GRIA1: variants seen among roughly 807,000 people sequenced by gnomAD.
GRIA1 encodes the protein glutamate ionotropic receptor AMPA type subunit 1, also known as glutamate receptor 1.
GRIA1 carries 31 observed loss-of-function variants against 99.2 expected under a neutral mutation model. That is an observed-to-expected ratio of 0.31 (90% CI 0.23 to 0.42). GRIA1 has a LOEUF of 0.42. Ranked by LOEUF, GRIA1 falls within the 10% of genes least tolerant of loss-of-function variation. The pLI is 1.00. For synonymous variants in GRIA1, 438 were observed against 432.4 expected (o/e 1.01, Z -0.16); for missense variants, 782 against 1,157.5 (o/e 0.68, Z 4.71).
intron 8 of GRIA1, among the ~76,000 whole-genome samples, chr5:153,688,721 C>CTTTTTTTTTT (rs921251469): frequency 1.3e-5 from 2 of 151,170 alleles, no homozygotes; most frequent in African/African-American, 2.4e-5. Flanking sequence ...CTTTCAGATT[C>CTTTTTTTTTT]TTTTTTTGTT....
rs115222562 is a variant in GRIA1, at chr5:153,775,245, T to C, written c.2270+4830T>C. 6.0e-3 allele frequency among the ~76,000 whole-genome samples: 920 copies of C among 152,364 alleles called. 10 individuals are homozygous for C. Among genetic ancestry groups the C allele is most frequent in the African/African-American group, 0.021 (879 of 41,588 alleles). On this transcript the variant is annotated intron_variant, in intron 13 of 15. Coordinates refer to ENST00000285900, the MANE Select transcript of GRIA1 (RefSeq NM_000827.4). ...GGGCTTAGCCCACGTTTTATCAACC[T>C]AAGAAAGAATCCACACCAGATTGGC...
At chr5:153,738,723 T>C (rs1328266985) in intron 11 of GRIA1, among the ~76,000 whole-genome samples, 3 of 142,234 alleles carry the variant, frequency 2.1e-5, no homozygotes, top group Non-Finnish European at 4.6e-5. Context: ...ATACCTTCTT[T>C]TTTTTTTTTT....
At chr5:153,657,044 T>C (rs1369440819) in intron 5 of GRIA1, among the ~76,000 whole-genome samples, 2 of 152,228 alleles carry the variant, frequency 1.3e-5, no homozygotes, top group East Asian at 3.8e-4. Flanking sequence ...ACTTGATTCC[T>C]TTTTATTGCC....
chr5:153,701,103 C>T (rs555361373), intron 10 of GRIA1, among the ~76,000 whole-genome samples: 1 of 152,340 alleles, frequency 6.6e-6, no homozygotes, highest in South Asian at 2.1e-4. Context: ...CCTTCTCTAG[C>T]ATTTATCTTC....
chr5:153,784,093 A>C (rs1461233), intron 13 of GRIA1, among the ~76,000 whole-genome samples: 93,153 of 151,982 alleles, frequency 0.61, 29,472 homozygotes, highest in East Asian at 0.94. Flanking sequence ...ATTTACTCCC[A>C]ACTCTACAGG....
chr5:153,660,802 G>A (rs1190200161), intron 5 of GRIA1, among the ~76,000 whole-genome samples: 1 of 152,142 alleles, frequency 6.6e-6, no homozygotes, highest in Non-Finnish European at 1.5e-5. Context: ...CACTCATTTG[G>A]TCTAAGATTT....
At chr5:153,657,968 T>G (rs73283900) in intron 5 of GRIA1, among the ~76,000 whole-genome samples, 3,269 of 152,262 alleles carry the variant, frequency 0.021, 106 homozygotes, top group African/African-American at 0.075. Context: ...TTAACATCCC[T>G]TGACTCCCAG....
At chr5:153,713,396 G>A (rs373526300) in intron 11 of GRIA1, among the ~76,000 whole-genome samples, 2 of 152,378 alleles carry the variant, frequency 1.3e-5, no homozygotes, top group Admixed American at 6.5e-5. Flanking sequence ...AGTGTGCATG[G>A]ACTGTGTGGG....
chr5:153,494,416 T>C (rs1479429717), intron 2 of GRIA1: 7 of 204,420 alleles, frequency 3.4e-5, no homozygotes, highest in Non-Finnish European at 5.9e-5. Flanking sequence ...TTAAGGGTCC[T>C]GAGTTTGTGA....
chr5:153,807,023 A>G (rs1462449806), intron 15 of GRIA1, among the ~76,000 whole-genome samples: 2 of 152,190 alleles, frequency 1.3e-5, no homozygotes, highest in Non-Finnish European at 2.9e-5. Flanking sequence ...TTGAGCACCT[A>G]TTCTCTGTTC....
chr5:153,597,178 C>T (rs554245106), intron 2 of GRIA1, among the ~76,000 whole-genome samples: 2 of 152,288 alleles, frequency 1.3e-5, no homozygotes, highest in South Asian at 2.1e-4. Context: ...TTTGAAGGGG[C>T]GCTTTGGTCA....
intron 11 of GRIA1, among the ~76,000 whole-genome samples, chr5:153,718,033 T>C (rs1415587170): frequency 1.3e-5 from 2 of 152,186 alleles, no homozygotes; most frequent in African/African-American, 4.8e-5. Flanking sequence ...CAGACATGTA[T>C]TTCTACAGAT....
chr5:153,671,713 T>C (rs1242286388), intron 5 of GRIA1, among the ~76,000 whole-genome samples: 1 of 152,242 alleles, frequency 6.6e-6, no homozygotes, highest in Non-Finnish European at 1.5e-5. Context: ...GGAAAGTCTC[T>C]GGCTTTTATT....
At position 153,650,417 on chromosome 5, in the gene GRIA1, A is replaced by G. The variant is rs1754470001; in HGVS notation, c.548A>G (p.Glu183Gly). Residue 183 changes from glutamate (E) to glycine (G), a missense_variant, in exon 4 of 16, where the codon GAG (glutamate) becomes GGG (glycine). Transcript: ENST00000285900. ...TAVNILTTTE[E>G]GYRMLFQDLE... is the part of the protein sequence containing the mutation. ...GTCAACATTTTGACAACCACAGAGG[A>G]GGGATACCGGATGCTCTTTCAGGAC... The G allele has an allele frequency of 6.2e-7, 1 of 1,613,996 alleles. No homozygotes were observed.
At chr5:153,726,759 C>T (rs147641718) in intron 11 of GRIA1, among the ~76,000 whole-genome samples, 1 of 151,276 alleles carries the variant, frequency 6.6e-6, no homozygotes, top group Non-Finnish European at 1.5e-5. Flanking sequence ...AGCTTACCAA[C>T]AAAAAGTCCA....
At chr5:153,595,364 C>T (rs569976064) in intron 2 of GRIA1, among the ~76,000 whole-genome samples, 1 of 152,232 alleles carries the variant, frequency 6.6e-6, no homozygotes, top group African/African-American at 2.4e-5. Flanking sequence ...TAGTGTGGTG[C>T]ATTTGTCACA....
chr5:153,590,500 A>G (rs1763869166), intron 2 of GRIA1, among the ~76,000 whole-genome samples: 1 of 144,060 alleles, frequency 6.9e-6, no homozygotes, highest in African/African-American at 2.7e-5. Context: ...TCAACAAGCT[A>G]TTGAAATGTG....
intron 2 of GRIA1, among the ~76,000 whole-genome samples, chr5:153,524,249 C>T (rs1203878451): frequency 2.0e-5 from 3 of 152,166 alleles, no homozygotes. Context: ...ATTGCTTGAA[C>T]CTTGGAGGCG....
chr5:153,714,522 A>G (rs1759532896), intron 11 of GRIA1, among the ~76,000 whole-genome samples: 1 of 152,198 alleles, frequency 6.6e-6, no homozygotes, highest in Admixed American at 6.5e-5. Context: ...AAACCTATTT[A>G]TGGCTAGCTA....
Sources: allele counts gnomAD v4.1 joint callset (sites outside exome capture counted in the v4.1 genomes callset), GRCh38; gene constraint gnomAD v4.1.1; transcripts MANE v1.5; gene names NCBI Gene and HGNC (gene_info 2026-07-23, HGNC 2026-07-21).